The following MACROD2 variants were observed in gnomAD, a reference collection of about 807,000 sequenced individuals.
MACROD2 encodes ADP-ribose glycohydrolase MACROD2.
MACROD2 carries 36 observed loss-of-function variants against 70.4 expected under a neutral mutation model. That is an observed-to-expected ratio of 0.51 (90% CI 0.39 to 0.68). The LOEUF is 0.68. MACROD2 is among the 30% of genes least tolerant of loss of function. The pLI, the probability that MACROD2 is intolerant of heterozygous loss-of-function variation, is 0.00. For missense variants in MACROD2, 496 were observed against 538.4 expected, an observed-to-expected ratio of 0.92 and a Z score of 0.78; for synonymous variants, 172 against 178.8, an observed-to-expected ratio of 0.96 and a Z score of 0.30.
intron 8 of MACROD2, among the ~76,000 whole-genome samples, chr20:15,643,628 T>C (rs1249390076): frequency 6.6e-6 from 1 of 152,222 alleles, no homozygotes; most frequent in Non-Finnish European, 1.5e-5. Context: ...ACAGAGTAGA[T>C]ATGATAAATA....
At chr20:14,655,476 A>G (rs970713069) in intron 4 of MACROD2, among the ~76,000 whole-genome samples, 2 of 151,962 alleles carry the variant, frequency 1.3e-5, no homozygotes, top group African/African-American at 4.8e-5. Flanking sequence ...TTCAAACATG[A>G]TAAAATCGTG....
At chr20:14,267,898 ATC>A (rs1312138268) in intron 3 of MACROD2, among the ~76,000 whole-genome samples, 1 of 152,074 alleles carries the variant, frequency 6.6e-6, no homozygotes, top group Non-Finnish European at 1.5e-5. Context: ...ATGGGCAAGA[ATC>A]TTAGCTTAAA....
At chr20:14,275,965 AG>A (rs750089035) in intron 3 of MACROD2, among the ~76,000 whole-genome samples, 4 of 152,214 alleles carry the variant, frequency 2.6e-5, no homozygotes, top group Non-Finnish European at 5.9e-5. Context: ...AATCATTAAA[AG>A]TCAGGAAACA....
intron 2 of MACROD2, among the ~76,000 whole-genome samples, chr20:14,067,578 CA>C (rs2053780517): frequency 6.6e-6 from 1 of 152,144 alleles, no homozygotes; most frequent in African/African-American, 2.4e-5. Flanking sequence ...AATTAGGTTG[CA>C]TTATTATATA....
At chr20:15,653,983 A>G (rs465172) in intron 8 of MACROD2, among the ~76,000 whole-genome samples, 3,685 of 152,172 alleles carry the variant, frequency 0.024, 178 homozygotes, top group East Asian at 0.2. Flanking sequence ...AGAGGACAAG[A>G]TCTATGTCCC....
intron 10 of MACROD2, among the ~76,000 whole-genome samples, chr20:15,918,910 G>A (rs1163588295): frequency 6.6e-6 from 1 of 152,082 alleles, no homozygotes; most frequent in African/African-American, 2.4e-5. Flanking sequence ...GGCTCTGCAT[G>A]TTAAATAACT....
chr20:14,242,174 C>T (rs1290885051), intron 3 of MACROD2, among the ~76,000 whole-genome samples: 1 of 152,096 alleles, frequency 6.6e-6, no homozygotes, highest in Non-Finnish European at 1.5e-5. Flanking sequence ...TTAAATTAGA[C>T]AATTTATCAG....
intron 8 of MACROD2, among the ~76,000 whole-genome samples, chr20:15,643,721 A>G (rs1026937707): frequency 1.3e-5 from 2 of 152,234 alleles, no homozygotes; most frequent in Admixed American, 1.3e-4. Flanking sequence ...ATAAATCACT[A>G]CAAAAATCTT....
intron 8 of MACROD2, among the ~76,000 whole-genome samples, chr20:15,669,201 G>T (rs545211912): frequency 5.3e-5 from 8 of 152,304 alleles, no homozygotes; most frequent in African/African-American, 1.9e-4. Flanking sequence ...GTGCAATGAG[G>T]TCAAAGTACG....
In MACROD2 at chr20:14,805,059, C is replaced by T. The variant is rs6131610; in HGVS notation, c.418+120100C>T. On this transcript the variant is annotated intron_variant, in intron 5 of 17. Coordinates refer to ENST00000684519, the MANE Select transcript of MACROD2 (RefSeq NM_001351661.2). Reference sequence around the variant, plus strand: ...GTGAGCTTCAGTGGGTCCGTGGATCCTCTAATATTTTGTGTGCATGCATAT... The same window carrying T: ...GTGAGCTTCAGTGGGTCCGTGGATCTTCTAATATTTTGTGTGCATGCATAT... Among the ~76,000 whole-genome samples, 688 of 152,056 alleles carry T rather than the reference C, an allele frequency of 4.5e-3. 25 individuals carry two copies. The highest frequency in any genetic ancestry group is 0.033 in the Admixed American group (506 of 15,254).
chr20:14,122,402 A>T lies in MACROD2; in HGVS notation c.271+36674A>T, dbSNP rs185047705. ...TAGTAGCTGTAAAAATACTGCACCT[A>T]GGGTAAACTATAGAACAGTATATTT... On this transcript the variant is annotated intron_variant, in intron 3 of 17. Coordinates refer to ENST00000684519, the MANE Select transcript of MACROD2 (RefSeq NM_001351661.2). Among the ~76,000 whole-genome samples, 3 of 152,318 alleles carry T rather than the reference A, an allele frequency of 2.0e-5. No individual in the cohort carries two copies. The East Asian group carries it at 5.8e-4, about 29-fold the overall frequency.
At chr20:14,680,923 G>A (rs2070924586) in intron 4 of MACROD2, among the ~76,000 whole-genome samples, 3 of 152,078 alleles carry the variant, frequency 2.0e-5, no homozygotes, top group African/African-American at 7.2e-5. Flanking sequence ...AAAGTGAAAT[G>A]GAATTAATAA....
chr20:15,028,856 A>G (rs1308019425), intron 5 of MACROD2, among the ~76,000 whole-genome samples: 3 of 152,224 alleles, frequency 2.0e-5, no homozygotes, highest in Non-Finnish European at 2.9e-5. Context: ...GTGCAGAGGC[A>G]GGGTACTTAG....
At chr20:15,642,308 G>A (rs982512806) in intron 8 of MACROD2, among the ~76,000 whole-genome samples, 1 of 152,120 alleles carries the variant, frequency 6.6e-6, no homozygotes, top group Non-Finnish European at 1.5e-5. Context: ...ATACAGGAAC[G>A]CTTGAACAAA....
intron 3 of MACROD2, among the ~76,000 whole-genome samples, chr20:14,302,898 C>T (rs986162866): frequency 6.6e-5 from 10 of 152,114 alleles, no homozygotes; most frequent in East Asian, 1.9e-4. Context: ...ATGACCCACC[C>T]GCCTCGGACT....
At chr20:15,131,378 C>T (rs1421731809) in intron 5 of MACROD2, among the ~76,000 whole-genome samples, 1 of 151,780 alleles carries the variant, frequency 6.6e-6, no homozygotes, top group Non-Finnish European at 1.5e-5. Flanking sequence ...ACTTTTGCAC[C>T]AAATTAATAT....
intron 2 of MACROD2, among the ~76,000 whole-genome samples, chr20:14,027,075 C>T (rs1314367307): frequency 6.6e-6 from 1 of 152,204 alleles, no homozygotes; most frequent in East Asian, 1.9e-4. Flanking sequence ...TTCCATTCTC[C>T]CTTCACTTTC....
chr20:14,749,051 C>G (rs1453068200), intron 5 of MACROD2, among the ~76,000 whole-genome samples: 1 of 152,090 alleles, frequency 6.6e-6, no homozygotes, highest in East Asian at 1.9e-4. Flanking sequence ...ATCTATTTGT[C>G]TTTTCCTCTT....
intron 6 of MACROD2, among the ~76,000 whole-genome samples, chr20:15,336,184 A>C (rs1009752705): frequency 1.3e-5 from 2 of 151,646 alleles, no homozygotes; most frequent in Non-Finnish European, 2.9e-5. Flanking sequence ...ACAGAGTTTG[A>C]GAGGAAGGCA....
Sources: gnomAD v4.1 joint callset for allele counts (sites outside exome capture counted in the v4.1 genomes callset) on GRCh38, gnomAD v4.1.1 for gene constraint, MANE v1.5 for transcripts, NCBI Gene and HGNC (gene_info 2026-07-23, HGNC 2026-07-21) for gene names.